LUZP1: variants seen among roughly 807,000 people sequenced by gnomAD.
The protein encoded by LUZP1 is filamin mechanobinding actin cross-linking protein.
In LUZP1, 25 loss-of-function variants were observed where a neutral mutation model predicts 71.3. The observed-to-expected ratio is 0.35, with a 90% CI of 0.26 to 0.49. LUZP1 has a LOEUF of 0.49. LUZP1 is among the 20% of genes least tolerant of loss of function. The pLI, the probability that LUZP1 is intolerant of heterozygous loss-of-function variation, is 0.99. For synonymous variants in LUZP1, 481 were observed against 506.4 expected, an observed-to-expected ratio of 0.95 and a Z score of 0.67; for missense variants, 1,142 against 1,300.8, an observed-to-expected ratio of 0.88 and a Z score of 1.88.
chr1:23,145,069 G>A (rs1644331654), intron 2 of LUZP1, among the ~76,000 whole-genome samples: 1 of 151,802 alleles, frequency 6.6e-6, no homozygotes, highest in South Asian at 2.1e-4. Flanking sequence ...CTAATTTTTT[G>A]TATTTTGTGT....
chr1:23,146,246 G>C (rs1001388426), intron 2 of LUZP1, among the ~76,000 whole-genome samples: 2 of 152,116 alleles, frequency 1.3e-5, no homozygotes, highest in East Asian at 1.9e-4. Context: ...TCGATCTCTT[G>C]ACCTCATGAT....
chr1:23,104,683 C>T (rs1643965790), intron 3 of LUZP1, among the ~76,000 whole-genome samples: 1 of 152,180 alleles, frequency 6.6e-6, no homozygotes, highest in Non-Finnish European at 1.5e-5. Flanking sequence ...GCACTGAATA[C>T]AGTGACAGGG....
At chr1:23,170,510 A>G (rs1244605788) in intron 1 of LUZP1, among the ~76,000 whole-genome samples, 5 of 127,354 alleles carry the variant, frequency 3.9e-5, no homozygotes, top group Non-Finnish European at 6.2e-5. Context: ...CTTGTCGCCC[A>G]GGCTGGAGTG....
chr1:23,093,978 T>G lies in LUZP1; in HGVS notation c.284A>C (p.Lys95Thr). The change falls in exon 4 of 5, where the codon AAA (lysine) becomes ACA (threonine). Residue 95 changes from lysine (K) to threonine (T), a missense_variant. By Grantham distance (78) the Lys-to-Thr change is moderately conservative. Coordinates refer to ENST00000302291, the Ensembl canonical transcript of LUZP1. The surrounding 1 kb of genome is among the most constrained non-coding windows in gnomAD (Gnocchi z 4.2). Reference sequence around the variant, plus strand: ...GGTGAGGTTTTCTTCCTCTTCAAGTTTCTCCTTCATCAGACGACACAGATC... The same window carrying G: ...GGTGAGGTTTTCTTCCTCTTCAAGTGTCTCCTTCATCAGACGACACAGATC... 1 of 1,614,186 alleles carries G rather than the reference T, an allele frequency of 6.2e-7. No individual in the cohort carries two copies. Among genetic ancestry groups the G allele is most frequent in the Non-Finnish European group, 8.5e-7 (1 of 1,180,028 alleles).
At chr1:23,088,655 G>A in exon 5 of LUZP1, 2 of 459,828 alleles carry the variant, frequency 4.3e-6, no homozygotes, top group Admixed American at 7.1e-5. Context: ...ACAGGGACAA[G>A]GAGAGAGAGA....
At chr1:23,091,805 T>C in exon 4 of LUZP1, 3 of 1,614,084 alleles carry the variant, frequency 1.9e-6, no homozygotes, top group Non-Finnish European at 2.5e-6. Flanking sequence ...TGCTAGTGGA[T>C]GTGTGCCTCT....
chr1:23,095,460 A>T (rs1643887420), intron 3 of LUZP1, among the ~76,000 whole-genome samples: 1 of 152,210 alleles, frequency 6.6e-6, no homozygotes, highest in Admixed American at 6.5e-5. Context: ...AGGAAAAGAA[A>T]ACTAAATGAA....
intron 2 of LUZP1, among the ~76,000 whole-genome samples, chr1:23,148,047 T>C (rs530219517): frequency 6.6e-6 from 1 of 152,368 alleles, no homozygotes; most frequent in South Asian, 2.1e-4. Flanking sequence ...AGTCACTCTG[T>C]ATGGCTTTTC....
intron 3 of LUZP1, among the ~76,000 whole-genome samples, chr1:23,096,230 A>T (rs1441821778): frequency 2.0e-5 from 3 of 152,148 alleles, no homozygotes; most frequent in Admixed American, 2.0e-4. Flanking sequence ...GAGAAGAGAA[A>T]TGGCATATTA....
At chr1:23,126,020 CTG>C (rs1423413479) in intron 2 of LUZP1, among the ~76,000 whole-genome samples, 3 of 152,220 alleles carry the variant, frequency 2.0e-5, no homozygotes. Flanking sequence ...AGCCCACAGA[CTG>C]TGCATTCTGA....
intron 3 of LUZP1, among the ~76,000 whole-genome samples, chr1:23,103,487 C>G (rs1268968971): frequency 6.6e-6 from 1 of 152,056 alleles, no homozygotes; most frequent in African/African-American, 2.4e-5. Flanking sequence ...TCCAACCTCC[C>G]ACTCAATGCG....
chr1:23,146,787 ACT>A (rs1303960499), intron 2 of LUZP1, among the ~76,000 whole-genome samples: 3 of 150,888 alleles, frequency 2.0e-5, no homozygotes, highest in African/African-American at 7.3e-5. Context: ...ACAGAATGAG[ACT>A]CTGTCTCCAA....
intron 2 of LUZP1, among the ~76,000 whole-genome samples, chr1:23,135,052 T>G (rs545890764): frequency 6.6e-6 from 1 of 152,262 alleles, no homozygotes; most frequent in African/African-American, 2.4e-5. Context: ...GGAGTATGTT[T>G]CAAGAAGAAT....
At chr1:23,159,435 A>T (rs1644447205) in intron 2 of LUZP1, among the ~76,000 whole-genome samples, 1 of 152,168 alleles carries the variant, frequency 6.6e-6, no homozygotes, top group Non-Finnish European at 1.5e-5. Flanking sequence ...GCATTCTTTT[A>T]AAAAACCTCA....
At position 23,093,090 on chromosome 1, in the gene LUZP1, C is replaced by T. The variant is rs779054615; in HGVS notation, c.1172G>A (p.Arg391Gln). Reference sequence around the variant, plus strand: ...CCGCTTATGCTGAGGAGACAGTTCCCGCGCTGTGTGCTTGGACACAGAAGC... The same window carrying T: ...CCGCTTATGCTGAGGAGACAGTTCCTGCGCTGTGTGCTTGGACACAGAAGC... Residue 391 changes from arginine (R) to glutamine (Q), a missense_variant, in exon 4 of 5, where the codon CGG becomes CAG. Coordinates refer to ENST00000302291, the Ensembl canonical transcript of LUZP1. This position sits in a 1 kb window ranked among gnomAD's most constrained non-coding sequence, Gnocchi z 4.2. The T allele has an allele frequency of 1.9e-6, 3 of 1,614,118 alleles. No homozygotes were observed. The highest frequency in any genetic ancestry group is 2.2e-5 in the East Asian group (1 of 44,886).
chr1:23,118,067 G>A (rs1489007862), intron 2 of LUZP1, among the ~76,000 whole-genome samples: 1 of 151,966 alleles, frequency 6.6e-6, no homozygotes, highest in African/African-American at 2.4e-5. Flanking sequence ...TCCACCCTGG[G>A]CGACAGAGCG....
At chr1:23,161,787 G>A (rs1399749631) in intron 2 of LUZP1, among the ~76,000 whole-genome samples, 1 of 152,078 alleles carries the variant, frequency 6.6e-6, no homozygotes, top group Non-Finnish European at 1.5e-5. Flanking sequence ...ACCTTGGGAG[G>A]CTGAGGTGAG....
At chr1:23,133,534 G>A (rs891321150) in intron 2 of LUZP1, 5 of 152,182 alleles carry the variant, frequency 3.3e-5, no homozygotes, top group South Asian at 2.1e-4. Context: ...AGGCCGAGGC[G>A]AGTGGATGAC....
intron 2 of LUZP1, among the ~76,000 whole-genome samples, chr1:23,125,375 T>A (rs1287092922): frequency 1.3e-5 from 2 of 152,234 alleles, no homozygotes; most frequent in Admixed American, 6.5e-5. Flanking sequence ...CCTACCTTGA[T>A]ATCAAGTATT....
Sources: gnomAD v4.1 joint callset for allele counts (sites outside exome capture counted in the v4.1 genomes callset) on GRCh38, gnomAD v4.1.1 for gene constraint, Gnocchi (gnomAD v3.1) non-coding constraint, MANE v1.5 for transcripts, NCBI Gene and HGNC (gene_info 2026-07-23, HGNC 2026-07-21) for gene names.